The following CNTNAP2 variants were observed in gnomAD, a reference collection of about 807,000 sequenced individuals.
CNTNAP2 encodes the protein contactin associated protein 2.
A neutral mutation model predicts 155.2 loss-of-function variants in CNTNAP2; 98 were observed. The ratio of observed to expected loss-of-function variants is 0.63; its 90% CI spans 0.54 to 0.75. The LOEUF is 0.75. CNTNAP2 is among the 30% of genes least tolerant of loss of function. The pLI is 0.00. For synonymous variants in CNTNAP2, 651 were observed against 631.2 expected, an observed-to-expected ratio of 1.03 and a Z score of -0.47; for missense variants, 1,727 against 1,688.1, an observed-to-expected ratio of 1.02 and a Z score of -0.40.
intron 21 of CNTNAP2, among the ~76,000 whole-genome samples, chr7:148,337,906 ATTAGT>A (rs1023386058): frequency 2.6e-5 from 4 of 152,230 alleles, no homozygotes; most frequent in African/African-American, 7.2e-5. Flanking sequence ...CTTAAACTTG[ATTAGT>A]TTAATCTTTA....
chr7:147,440,396 G>A (rs1258421181), intron 10 of CNTNAP2, among the ~76,000 whole-genome samples: 1 of 151,962 alleles, frequency 6.6e-6, no homozygotes, highest in Non-Finnish European at 1.5e-5. Flanking sequence ...TTAACTATTT[G>A]TTGTTTCTAT....
At chr7:146,370,670 A>G (rs531357494) in intron 1 of CNTNAP2, among the ~76,000 whole-genome samples, 7 of 152,234 alleles carry the variant, frequency 4.6e-5, no homozygotes, top group African/African-American at 1.7e-4. Flanking sequence ...TGAATACTAA[A>G]TTTTTATGTA....
intron 1 of CNTNAP2, among the ~76,000 whole-genome samples, chr7:146,531,983 G>T (rs1341553765): frequency 6.6e-6 from 1 of 151,866 alleles, no homozygotes; most frequent in African/African-American, 2.4e-5. Context: ...ATAGGGGGAG[G>T]TATGTTGAGA....
intron 1 of CNTNAP2, among the ~76,000 whole-genome samples, chr7:146,295,653 A>G (rs759276857): frequency 1.1e-4 from 17 of 152,284 alleles, no homozygotes; most frequent in Non-Finnish European, 2.4e-4. Flanking sequence ...AATAAGGACA[A>G]TAACATTTTG....
At chr7:147,433,244 G>A (rs372275455) in intron 10 of CNTNAP2, among the ~76,000 whole-genome samples, 21 of 152,196 alleles carry the variant, frequency 1.4e-4, no homozygotes, top group Non-Finnish European at 2.6e-4. Context: ...GTTAAGTTCC[G>A]TGGGCGAATA....
intron 3 of CNTNAP2, among the ~76,000 whole-genome samples, chr7:146,940,448 C>G (rs1585170918): frequency 6.6e-6 from 1 of 152,070 alleles, no homozygotes; most frequent in African/African-American, 2.4e-5. Flanking sequence ...CTGCCTCAGC[C>G]TCCCAAAGTG....
intron 1 of CNTNAP2, among the ~76,000 whole-genome samples, chr7:146,748,220 A>G (rs1801844263): frequency 1.4e-5 from 2 of 138,130 alleles, no homozygotes; most frequent in East Asian, 2.1e-4. Flanking sequence ...ATCTCAGCTC[A>G]CTGCAAGCTC....
chr7:147,862,092 C>G (rs184083072), intron 13 of CNTNAP2, among the ~76,000 whole-genome samples: 1 of 150,920 alleles, frequency 6.6e-6, no homozygotes, highest in Admixed American at 6.6e-5. Context: ...ATAATCTAAT[C>G]ACCGATGAAA....
intron 15 of CNTNAP2, among the ~76,000 whole-genome samples, chr7:148,023,464 C>T (rs188624931): frequency 4.6e-5 from 7 of 152,240 alleles, no homozygotes; most frequent in Middle Eastern, 6.8e-3. Flanking sequence ...TATTTCTGTT[C>T]CCCTGAGTGT....
intron 15 of CNTNAP2, among the ~76,000 whole-genome samples, chr7:147,982,328 A>C (rs545492229): frequency 1.6e-4 from 25 of 152,314 alleles, no homozygotes; most frequent in African/African-American, 5.8e-4. Context: ...AAATGTTTTC[A>C]GTAAACCTGG....
rs150906363 is a variant in CNTNAP2, at chr7:146,506,950, G to A, written c.98-267321G>A. 1.8e-3 allele frequency among the ~76,000 whole-genome samples: 274 copies of A among 152,232 alleles called. 1 individual carries two copies. The highest frequency in any genetic ancestry group is 5.7e-3 in the African/African-American group (236 of 41,546). On this transcript the variant is annotated intron_variant, in intron 1 of 23. Transcript: ENST00000361727. ...TGGTAATGGCTCAGTGTTTAGGGGCGCCTCAGGCTGACCCATGGCCTTATC... is the reference window on the plus strand; with the variant it reads ...TGGTAATGGCTCAGTGTTTAGGGGCACCTCAGGCTGACCCATGGCCTTATC...
intron 1 of CNTNAP2, among the ~76,000 whole-genome samples, chr7:146,345,508 C>T (rs754802293): frequency 6.6e-6 from 1 of 152,118 alleles, no homozygotes; most frequent in Non-Finnish European, 1.5e-5. Flanking sequence ...ATCTTTATAG[C>T]ACAAAATGCT....
chr7:147,479,348 T>A (rs1215968127), intron 10 of CNTNAP2, among the ~76,000 whole-genome samples: 1 of 152,206 alleles, frequency 6.6e-6, no homozygotes, highest in East Asian at 1.9e-4. Flanking sequence ...ATAAAGACAA[T>A]TTCTTTAGAA....
intron 14 of CNTNAP2, among the ~76,000 whole-genome samples, chr7:147,945,789 G>A (rs1433814996): frequency 1.3e-5 from 2 of 150,906 alleles, no homozygotes; most frequent in Admixed American, 1.3e-4. Context: ...TTTCACCTAG[G>A]TGCCTTGGTT....
intron 15 of CNTNAP2, among the ~76,000 whole-genome samples, chr7:147,988,754 C>T (rs562813916): frequency 3.4e-4 from 52 of 152,268 alleles, no homozygotes; most frequent in Middle Eastern, 3.4e-3. Context: ...AATTGAATCC[C>T]CGTAATTTGG....
chr7:148,080,018 G>C (rs182199090), intron 15 of CNTNAP2, among the ~76,000 whole-genome samples: 153 of 152,272 alleles, frequency 1.0e-3, no homozygotes, highest in African/African-American at 3.6e-3. Context: ...AAGTCTCTAA[G>C]AGCTAATGTG....
intron 1 of CNTNAP2, among the ~76,000 whole-genome samples, chr7:146,567,277 A>G (rs949472602): frequency 1.3e-5 from 2 of 152,202 alleles, no homozygotes; most frequent in Non-Finnish European, 2.9e-5. Context: ...AAAATGTCAC[A>G]TAATAATAAT....
At chr7:148,339,762 C>G (rs947291021) in intron 21 of CNTNAP2, 1 of 152,248 alleles carries the variant, frequency 6.6e-6, no homozygotes, top group African/African-American at 2.4e-5. Context: ...GAGCGGGGCA[C>G]TGTAACTGGA....
intron 16 of CNTNAP2, among the ~76,000 whole-genome samples, chr7:148,129,633 C>T (rs1362473983): frequency 6.6e-6 from 1 of 152,200 alleles, no homozygotes; most frequent in African/African-American, 2.4e-5. Flanking sequence ...TAATAAATCA[C>T]TCAATTTTTC....
Sources: gnomAD v4.1 joint callset for allele counts (sites outside exome capture counted in the v4.1 genomes callset) on GRCh38, gnomAD v4.1.1 for gene constraint, MANE v1.5 for transcripts, NCBI Gene and HGNC (gene_info 2026-07-23, HGNC 2026-07-21) for gene names.